Variants in MPDZ observed in about 807,000 individuals in gnomAD.
MPDZ encodes multiple PDZ domain protein.
In MPDZ, 234 loss-of-function variants were observed where a neutral mutation model predicts 239.1. The observed-to-expected ratio is 0.98, with a 90% CI of 0.88 to 1.09. The LOEUF (loss-of-function observed/expected upper bound fraction) is 1.09. MPDZ is among the 50% of genes least tolerant of loss of function. MPDZ has a pLI of 0.00. For missense variants in MPDZ, 3,175 were observed against 2,510.0 expected (o/e 1.26, Z -5.66); for synonymous variants, 1,048 against 881.3 (o/e 1.19, Z -3.35).
intron 3 of MPDZ, among the ~76,000 whole-genome samples, chr9:13,230,857 G>C (rs1442570831): frequency 2.6e-5 from 4 of 152,076 alleles, no homozygotes; most frequent in Non-Finnish European, 5.9e-5. Flanking sequence ...AGAAATGTTG[G>C]ATATGCAGCT....
intron 3 of MPDZ, among the ~76,000 whole-genome samples, chr9:13,238,737 G>A (rs948450626): frequency 3.3e-5 from 5 of 151,912 alleles, no homozygotes; most frequent in Admixed American, 3.3e-4. Flanking sequence ...CCCTTTCCCA[G>A]CTTACATATC....
chr9:13,265,165 G>A (rs1291716611), intron 1 of MPDZ, among the ~76,000 whole-genome samples: 1 of 152,184 alleles, frequency 6.6e-6, no homozygotes, highest in African/African-American at 2.4e-5. Context: ...ATTCTTCAGT[G>A]CAGTTCCTAC....
At chr9:13,162,277 A>G (rs913702083) in intron 23 of MPDZ, among the ~76,000 whole-genome samples, 2 of 149,566 alleles carry the variant, frequency 1.3e-5, no homozygotes, top group African/African-American at 5.0e-5. Flanking sequence ...AAAAAAAAAA[A>G]GAAAAAAATT....
chr9:13,236,314 G>C (rs1964047349), intron 3 of MPDZ, among the ~76,000 whole-genome samples: 1 of 98,466 alleles, frequency 1.0e-5, no homozygotes, highest in African/African-American at 4.4e-5. Flanking sequence ...TTTCACTCTT[G>C]TTGCCCAGGC....
chr9:13,182,787 T>C (rs758176836), intron 19 of MPDZ, among the ~76,000 whole-genome samples: 1 of 152,148 alleles, frequency 6.6e-6, no homozygotes, highest in Non-Finnish European at 1.5e-5. Context: ...ATAGAGTATG[T>C]CACCAAGAAA....
intron 18 of MPDZ, among the ~76,000 whole-genome samples, chr9:13,185,251 T>C (rs1054688518): frequency 1.5e-4 from 23 of 152,032 alleles, no homozygotes; most frequent in Admixed American, 1.5e-3. Context: ...ACTTTTCAAA[T>C]GGCTATTTCA....
At position 13,186,281 on chromosome 9, in the gene MPDZ, C is replaced by A; in HGVS notation, c.2470G>T (p.Asp824Tyr). The stretch of plus-strand genomic sequence containing the variant: ...TCATAGCCACTAACCAGAGCCAAGT[C>A]AGCCCTGAAGAGGGGTTTGTCAGCC... ...GLADKPLFRA[D>Y]LALVGTNDAD... Residue 824 changes from aspartate (D) to tyrosine (Y), a missense_variant, in exon 18 of 47, where the codon GAC becomes TAC. Coordinates refer to ENST00000319217, the MANE Select transcript of MPDZ (RefSeq NM_001378778.1). The A allele has an allele frequency of 6.3e-7, 1 of 1,582,946 alleles. No homozygotes were observed. The highest frequency in any genetic ancestry group is 8.6e-7 in the Non-Finnish European group (1 of 1,163,244).
At chr9:13,115,010 CAA>C (rs1206002142) in intron 40 of MPDZ, among the ~76,000 whole-genome samples, 4 of 152,084 alleles carry the variant, frequency 2.6e-5, no homozygotes, top group Admixed American at 2.6e-4. Flanking sequence ...TGAATCATGT[CAA>C]AAAAGAATGC....
At chr9:13,261,474 A>C (rs977584780) in intron 1 of MPDZ, among the ~76,000 whole-genome samples, 2 of 152,260 alleles carry the variant, frequency 1.3e-5, no homozygotes, top group Middle Eastern at 6.8e-3. Context: ...ACCCTCTCAA[A>C]TACCCTTGCT....
intron 19 of MPDZ, 68 bp downstream of exon 19, chr9:13,183,350 A>G (rs1953627988): frequency 7.8e-7 from 1 of 1,287,518 alleles, no homozygotes; most frequent in African/African-American, 1.5e-5. Context: ...ACTCCCCATA[A>G]GGACTGAGCT....
intron 21 of MPDZ, among the ~76,000 whole-genome samples, chr9:13,172,250 A>T (rs1951865915): frequency 6.6e-6 from 1 of 152,162 alleles, no homozygotes; most frequent in African/African-American, 2.4e-5. Context: ...CCCTATAAAC[A>T]TATTGGGCAT....
chr9:13,182,204 A>C (rs939751262), intron 19 of MPDZ, among the ~76,000 whole-genome samples: 5 of 152,160 alleles, frequency 3.3e-5, no homozygotes, highest in African/African-American at 1.2e-4. Context: ...CAGAAAATAC[A>C]TATTTCGTAT....
intron 18 of MPDZ, among the ~76,000 whole-genome samples, chr9:13,184,891 T>C (rs1953880972): frequency 6.6e-6 from 1 of 151,998 alleles, no homozygotes; most frequent in Admixed American, 6.6e-5. Context: ...CCAGGACGCA[T>C]ATTACTATTA....
At chr9:13,275,758 T>TCC (rs1974029254) in intron 1 of MPDZ, among the ~76,000 whole-genome samples, 1 of 152,146 alleles carries the variant, frequency 6.6e-6, no homozygotes, top group Non-Finnish European at 1.5e-5. Flanking sequence ...TGCTCTCCAT[T>TCC]AATTGCTCTT....
Position 13,279,534 on chromosome 9 carries a change from A to T in MPDZ, c.-192T>A, listed in dbSNP as rs1204156411. 1 of 6,968 alleles carries T rather than the reference A, an allele frequency of 1.4e-4. No homozygotes were observed. Among genetic ancestry groups the T allele is most frequent in the Non-Finnish European group, 7.7e-3 (1 of 130 alleles). The allele number at this position is 6,968 out of a possible 1,614,324, so 0.4% of individuals were successfully genotyped here. ...CTTCTGAAGTAACGACCCGGCGAGGAGCTTCGGATCAAAACGCACAGACAC... is the reference window on the plus strand; with the variant it reads ...CTTCTGAAGTAACGACCCGGCGAGGTGCTTCGGATCAAAACGCACAGACAC... On this transcript the variant is annotated 5_prime_UTR_variant, in exon 1 of 47. Coordinates refer to ENST00000319217, the MANE Select transcript of MPDZ (RefSeq NM_001378778.1).
At chr9:13,224,134 T>C (rs1959756093) in intron 4 of MPDZ, among the ~76,000 whole-genome samples, 1 of 152,098 alleles carries the variant, frequency 6.6e-6, no homozygotes, top group Admixed American at 6.6e-5. Flanking sequence ...TCCAAGGTAA[T>C]TGTTAGCACT....
At chr9:13,231,635 T>G (rs1330129) in intron 3 of MPDZ, among the ~76,000 whole-genome samples, 1 of 151,240 alleles carries the variant, frequency 6.6e-6, no homozygotes, top group Non-Finnish European at 1.5e-5. Context: ...CCCGCAAAAA[T>G]AAAACAAGAA....
chr9:13,171,928 C>T (rs1463988037), intron 21 of MPDZ, among the ~76,000 whole-genome samples: 1 of 152,182 alleles, frequency 6.6e-6, no homozygotes, highest in East Asian at 1.9e-4. Context: ...TACTTTTCCA[C>T]TAGCACAAAC....
rs752517422 is a variant in MPDZ, at chr9:13,190,292, A to T, written c.1976T>A (p.Val659Glu). The change falls in exon 16 of 47, where the codon GTA (valine) becomes GAA (glutamate). Residue 659 changes from valine (V) to glutamate (E), a missense_variant. Transcript: ENST00000319217. ...CDIELTEKPH[V>E]DLGEFIGSSE... ...TGACCCGATGAACTCACCTAGATCT[A>T]CGTGAGGCTGGATAATATCAGACAG... 11 of 1,573,410 alleles carry T rather than the reference A, an allele frequency of 7.0e-6. No individual in the cohort carries two copies. The highest frequency in any genetic ancestry group is 9.5e-6 in the Non-Finnish European group (11 of 1,160,624).
Sources: gnomAD v4.1 joint callset for allele counts (sites outside exome capture counted in the v4.1 genomes callset) on GRCh38, gnomAD v4.1.1 for gene constraint, MANE v1.5 for transcripts, NCBI Gene and HGNC (gene_info 2026-07-23, HGNC 2026-07-21) for gene names.